Variants in GIGYF2 observed in about 807,000 individuals in gnomAD.
The protein encoded by GIGYF2 is GRB10-interacting GYF protein 2.
GIGYF2 carries 25 observed loss-of-function variants against 208.1 expected under a neutral mutation model. That is an observed-to-expected ratio of 0.12 (90% CI 0.09 to 0.17). GIGYF2 has a LOEUF of 0.17. Ranked by LOEUF, GIGYF2 falls within the 10% of genes least tolerant of loss-of-function variation. GIGYF2 has a pLI of 1.00. For missense variants in GIGYF2, 1,302 were observed against 1,579.4 expected (o/e 0.82, Z 2.98); for synonymous variants, 534 against 543.8 (o/e 0.98, Z 0.25).
chr2:232,854,098 G>A (rs2044449), intron 28 of GIGYF2, among the ~76,000 whole-genome samples: 101,802 of 152,122 alleles, frequency 0.67, 34,370 homozygotes, highest in Admixed American at 0.7. Context: ...TAAGATACAC[G>A]TGAAGTCAAT....
intron 3 of GIGYF2, among the ~76,000 whole-genome samples, chr2:232,742,592 G>A (rs565041554): frequency 6.6e-6 from 1 of 152,098 alleles, no homozygotes; most frequent in African/African-American, 2.4e-5. Context: ...TAACGTAGGA[G>A]ATTAAGACTA....
intron 5 of GIGYF2, 123 bp from the exon 6 acceptor site, chr2:232,756,100 T>C (rs1453884446): frequency 1.6e-6 from 1 of 634,410 alleles, no homozygotes; most frequent in Non-Finnish European, 2.7e-6. Context: ...TAGTAGTAAT[T>C]AGATGCCTTT....
chr2:232,855,253 A>T (rs529298865), intron 28 of GIGYF2, among the ~76,000 whole-genome samples: 8 of 152,068 alleles, frequency 5.3e-5, no homozygotes, highest in African/African-American at 1.9e-4. Flanking sequence ...CGCCCAGCTA[A>T]TGTTTTGTAT....
intron 19 of GIGYF2, 93 bp from the exon 20 acceptor site, chr2:232,816,778 G>A: frequency 1.1e-6 from 1 of 929,902 alleles, no homozygotes. Context: ...GGTACAAGCA[G>A]CTGATTGAAT....
intron 8 of GIGYF2, among the ~76,000 whole-genome samples, chr2:232,763,739 G>A (rs894610714): frequency 6.6e-6 from 1 of 152,050 alleles, no homozygotes; most frequent in Non-Finnish European, 1.5e-5. Context: ...ACTGAGGCAG[G>A]GGAATCGCTT....
intron 8 of GIGYF2, chr2:232,776,348 C>A: frequency 1.2e-6 from 1 of 828,096 alleles, no homozygotes; most frequent in Non-Finnish European, 2.0e-6. Flanking sequence ...TTTTAAAAAT[C>A]TGTTGGAAGT....
intron 12 of GIGYF2, among the ~76,000 whole-genome samples, chr2:232,792,433 A>AT (rs1238953558): frequency 6.6e-6 from 1 of 152,110 alleles, no homozygotes; most frequent in Non-Finnish European, 1.5e-5. Flanking sequence ...AAAGCTGATT[A>AT]TTTTTTTAAA....
At position 232,847,499 on chromosome 2, in the gene GIGYF2, T is replaced by TCAGCAGCAGCAGCTGCCA. The variant is rs753770308; in HGVS notation, c.3626_3643dup (p.Leu1209_Gln1214dup). On this transcript the variant is annotated inframe_insertion, in exon 27 of 29. Transcript: ENST00000373563. ...CCAAACAGAAAGCCAACCAGCAGCG[T>TCAGCAGCAGCAGCTGCCA]CAGCAGCAGCAGCTGCCACAGCAGC... The TCAGCAGCAGCAGCTGCCA allele has an allele frequency of 1.5e-5, 24 of 1,582,556 alleles. No individual in the cohort carries two copies. The highest frequency in any genetic ancestry group is 1.9e-5 in the Non-Finnish European group (22 of 1,168,964).
intron 8 of GIGYF2, among the ~76,000 whole-genome samples, chr2:232,780,054 T>TGCTTGTGGA (rs918786356): frequency 6.6e-6 from 1 of 152,204 alleles, no homozygotes; most frequent in Non-Finnish European, 1.5e-5. Flanking sequence ...ATTCCACTTT[T>TGCTTGTGGA]GCTTGTGGAG....
Position 232,814,141 on chromosome 2 carries a change from C to T in GIGYF2, c.2108-1496C>T, listed in dbSNP as rs1490648352. Among the ~76,000 whole-genome samples, 5 of 152,020 alleles carry T rather than the reference C, an allele frequency of 3.3e-5. No individual in the cohort carries two copies. In the East Asian group the frequency reaches 9.7e-4, roughly 29 times the overall value. On this transcript the variant is annotated intron_variant, in intron 18 of 28. Transcript: ENST00000373563. Reference sequence around the variant, plus strand: ...CCTCAAGTGATCCGCCTGCCTCTGCCTCCCAAACTGCTAGGATTACAGGCA... The same window carrying T: ...CCTCAAGTGATCCGCCTGCCTCTGCTTCCCAAACTGCTAGGATTACAGGCA...
Position 232,802,203 on chromosome 2 carries a change from A to G in GIGYF2, c.1640-4288A>G, listed in dbSNP as rs186810853. Among the ~76,000 whole-genome samples, 107 of 150,886 alleles carry G rather than the reference A, an allele frequency of 7.1e-4. 1 individual carries two copies. Among genetic ancestry groups the G allele is most frequent in the African/African-American group, 2.6e-3 (107 of 41,238 alleles). ...TAGAATTTTCTGCATAAAAGATTAT[A>G]TCATCTGTGAACAGACTTCTTCCTA... On this transcript the variant is annotated intron_variant, in intron 14 of 28. Transcript: ENST00000373563.
At chr2:232,748,581 C>T (rs1308641533) in intron 4 of GIGYF2, among the ~76,000 whole-genome samples, 19 of 152,238 alleles carry the variant, frequency 1.2e-4, no homozygotes, top group Non-Finnish European at 1.5e-5. Flanking sequence ...CACAATGCCC[C>T]ACCTCCAGTA....
At chr2:232,712,936 A>G (rs559657266) in intron 2 of GIGYF2, among the ~76,000 whole-genome samples, 2 of 152,294 alleles carry the variant, frequency 1.3e-5, no homozygotes, top group African/African-American at 2.4e-5. Context: ...GATGAGTTAT[A>G]ATTTTCTGCT....
At position 232,766,448 on chromosome 2, in the gene GIGYF2, G is replaced by GA. The variant is rs746052279; in HGVS notation, c.532+5018dup. 229 of 153,384 alleles carry GA rather than the reference G, an allele frequency of 1.5e-3. 5 individuals are homozygous for GA. The highest frequency in any genetic ancestry group is 2.9e-3 in the Non-Finnish European group (197 of 68,906). 9.5% of individuals were successfully genotyped at this position (153,384 alleles called of 1,614,324 possible). On this transcript the variant is annotated intron_variant, in intron 8 of 28. Transcript: ENST00000373563. ...TGTGTAAGTGATGTAGTGCCTTTAG[G>GA]AAAAAACATACCATGTAAGTCTTCA...
At chr2:232,728,979 C>T (rs995540334) in intron 2 of GIGYF2, among the ~76,000 whole-genome samples, 4 of 151,830 alleles carry the variant, frequency 2.6e-5, no homozygotes, top group African/African-American at 9.7e-5. Context: ...TTTCCCTTCT[C>T]TTTTTCTTTT....
intron 2 of GIGYF2, among the ~76,000 whole-genome samples, chr2:232,719,848 T>G (rs981863618): frequency 2.0e-5 from 3 of 152,108 alleles, no homozygotes; most frequent in Non-Finnish European, 4.4e-5. Flanking sequence ...AAGTCACTTA[T>G]GTGTAATTTT....
chr2:232,720,409 A>C (rs551330795), intron 2 of GIGYF2, among the ~76,000 whole-genome samples: 1 of 152,276 alleles, frequency 6.6e-6, no homozygotes, highest in Admixed American at 6.5e-5. Flanking sequence ...ATATGTGTGC[A>C]TGTGTCTTTA....
intron 2 of GIGYF2, chr2:232,729,970 C>A: frequency 1.4e-6 from 1 of 723,856 alleles, no homozygotes; most frequent in Non-Finnish European, 2.5e-6. Context: ...CCATACTTGA[C>A]CAAAGCCTTC....
chr2:232,720,267 C>T (rs1393313944), intron 2 of GIGYF2, among the ~76,000 whole-genome samples: 1 of 152,184 alleles, frequency 6.6e-6, no homozygotes, highest in Non-Finnish European at 1.5e-5. Context: ...CTGCAAAGGA[C>T]ATGAACTCAT....
Sources: gnomAD v4.1 joint callset for allele counts (sites outside exome capture counted in the v4.1 genomes callset) on GRCh38, gnomAD v4.1.1 for gene constraint, MANE v1.5 for transcripts, NCBI Gene and HGNC (gene_info 2026-07-23, HGNC 2026-07-21) for gene names.